The following ATP13A5 variants were observed in gnomAD, a reference collection of about 807,000 sequenced individuals.
ATP13A5 encodes the protein ATPase 13A5.
A neutral mutation model predicts 150.2 loss-of-function variants in ATP13A5; 149 were observed. The ratio of observed to expected loss-of-function variants is 0.99; its 90% CI spans 0.87 to 1.14. ATP13A5 has a LOEUF of 1.14. Ranked by LOEUF, ATP13A5 falls within the 50% of genes most tolerant of loss-of-function variation. The pLI, the probability that ATP13A5 is intolerant of heterozygous loss-of-function variation, is 0.00. For synonymous variants in ATP13A5, 497 were observed against 522.2 expected (o/e 0.95, Z 0.66); for missense variants, 1,383 against 1,449.3 (o/e 0.95, Z 0.74).
intron 26 of ATP13A5, among the ~76,000 whole-genome samples, chr3:193,287,913 T>G (rs544563135): frequency 1.3e-4 from 20 of 152,254 alleles, no homozygotes; most frequent in African/African-American, 4.6e-4. Context: ...GGTAAAAACA[T>G]CAACATTAAT....
At chr3:193,311,780 G>A (rs1182248186) in intron 20 of ATP13A5, 36 bp downstream of exon 20, 1 of 1,610,200 alleles carries the variant, frequency 6.2e-7, no homozygotes, top group South Asian at 1.1e-5. Flanking sequence ...GCTGATTTGA[G>A]GAGCAAAACA....
At chr3:193,347,063 T>C (rs9831498) in intron 7 of ATP13A5, among the ~76,000 whole-genome samples, 147,034 of 152,266 alleles carry the variant, frequency 0.97, 71,019 homozygotes, top group African/African-American at 0.99. Flanking sequence ...ACAGACAACA[T>C]TGAATTGGAT....
intron 1 of ATP13A5, among the ~76,000 whole-genome samples, chr3:193,371,565 T>C (rs1009093747): frequency 1.3e-5 from 2 of 152,174 alleles, no homozygotes; most frequent in African/African-American, 2.4e-5. Flanking sequence ...TTCACACTCA[T>C]ATGGTTGTTG....
At chr3:193,281,241 A>G (rs1717481283) in intron 27 of ATP13A5, 1 of 984,260 alleles carries the variant, frequency 1.0e-6, no homozygotes, top group South Asian at 4.7e-5. Context: ...GACGCCTGAA[A>G]GGTCTGTTCT....
chr3:193,322,667 A>C, intron 14 of ATP13A5, 93 bp from the exon 15 acceptor site: 1 of 895,622 alleles, frequency 1.1e-6, no homozygotes, highest in African/African-American at 1.7e-5. Flanking sequence ...ATCTTTTCAA[A>C]GCCATTTTTA....
intron 5 of ATP13A5, among the ~76,000 whole-genome samples, chr3:193,355,067 G>C (rs578179281): frequency 1.9e-4 from 29 of 151,594 alleles, no homozygotes; most frequent in Non-Finnish European, 3.8e-4. Context: ...CGAGTAGCTG[G>C]GATTACAGGC....
chr3:193,344,040 T>A lies in ATP13A5; in HGVS notation c.830A>T (p.Glu277Val), dbSNP rs894787619. ...GTCTCCGGGAACCAAGAGACGGGAT[T>A]CCAGCTCCTCCAAACCTACACCAAA... ...IVKDKGLEEL[E>V]SRLLVPGDIL... The change falls in exon 9 of 30, where the codon GAA becomes GTA. Residue 277 changes from glutamate to valine, a missense_variant. Coordinates refer to ENST00000342358, the MANE Select transcript of ATP13A5 (RefSeq NM_198505.4). 6.2e-7 allele frequency: 1 copy of A among 1,613,182 alleles called. No individual in the cohort carries two copies. The highest frequency in any genetic ancestry group is 8.5e-7 in the Non-Finnish European group (1 of 1,179,448).
At chr3:193,332,451 CTGAT>C (rs1036346534) in intron 11 of ATP13A5, among the ~76,000 whole-genome samples, 13 of 152,160 alleles carry the variant, frequency 8.5e-5, no homozygotes, top group African/African-American at 1.2e-4. Context: ...ACAGGGTTGA[CTGAT>C]TGATTGTTTT....
chr3:193,292,193 G>A (rs1038209193), intron 25 of ATP13A5, among the ~76,000 whole-genome samples: 1 of 152,070 alleles, frequency 6.6e-6, no homozygotes, highest in Non-Finnish European at 1.5e-5. Context: ...GGGCTCAGGA[G>A]AAGTGCAAGG....
intron 1 of ATP13A5, among the ~76,000 whole-genome samples, chr3:193,377,118 T>C (rs923210388): frequency 4.6e-5 from 7 of 152,208 alleles, no homozygotes; most frequent in African/African-American, 9.6e-5. Context: ...CTATAAACTT[T>C]ACAAATAAAG....
intron 11 of ATP13A5, among the ~76,000 whole-genome samples, chr3:193,332,475 A>C (rs907311476): frequency 2.6e-5 from 4 of 152,152 alleles, no homozygotes; most frequent in Non-Finnish European, 5.9e-5. Context: ...TGTTTTCCTC[A>C]CATGCTCTAG....
intron 1 of ATP13A5, among the ~76,000 whole-genome samples, chr3:193,377,546 T>C (rs532391479): frequency 1.3e-5 from 2 of 152,354 alleles, no homozygotes; most frequent in South Asian, 4.1e-4. Flanking sequence ...ACTAGCTACT[T>C]TTCTAGTGCT....
chr3:193,307,529 T>G (rs915308407), intron 21 of ATP13A5, 160 bp from the exon 22 acceptor site: 1 of 795,632 alleles, frequency 1.3e-6, no homozygotes, highest in East Asian at 2.7e-5. Flanking sequence ...GAGAGACATA[T>G]TCCCAGAGGG....
In ATP13A5 at chr3:193,279,415, G is replaced by T. The variant is rs144724475; in HGVS notation, c.3266C>A (p.Thr1089Lys). 25 of 1,613,878 alleles carry T rather than the reference G, an allele frequency of 1.5e-5. No individual in the cohort carries two copies. The highest frequency in any genetic ancestry group is 1.7e-4 in the Middle Eastern group (1 of 6,056). Residue 1089 changes from threonine (T) to lysine (K), a missense_variant, in exon 28 of 30, where the codon ACA (threonine) becomes AAA (lysine). Physicochemically the swap from Thr to Lys is moderately conservative, Grantham distance 78. Coordinates refer to ENST00000342358, the MANE Select transcript of ATP13A5 (RefSeq NM_198505.4). ...SFLLLAALGL[T>K]IFILFSDFQV... ...AAAGTCAGAAAACAGAATGAAAATTGTGAGGCCCAAGGCAGCTAGCAGCAG... is the reference window on the plus strand; with the variant it reads ...AAAGTCAGAAAACAGAATGAAAATTTTGAGGCCCAAGGCAGCTAGCAGCAG...
rs1719318835 is a variant in ATP13A5 at position 193,322,505 on chromosome 3, G to A, written c.1744C>T (p.Pro582Ser). The change falls in exon 15 of 30, where the codon CCA (proline) becomes TCA (serine). Residue 582 changes from proline (P) to serine (S), a missense_variant. Transcript: ENST00000342358. ...TSVSNIIKPG[P>S]KASKSPVEAI... is the part of the protein sequence containing the mutation. ...GGAAATCATACCTTACTGGCTTTTG[G>A]TCCTGGTTTTATGATGTTTGAAACT... 1.2e-6 allele frequency: 2 copies of A among 1,613,258 alleles called. No individual in the cohort carries two copies. Among genetic ancestry groups the A allele is most frequent in the Non-Finnish European group, 1.7e-6 (2 of 1,179,330 alleles).
At chr3:193,301,186 G>A (rs374104413) in intron 24 of ATP13A5, 25 bp downstream of exon 24, 13 of 1,548,280 alleles carry the variant, frequency 8.4e-6, no homozygotes, top group African/African-American at 1.4e-5. Flanking sequence ...AATTAGAACT[G>A]AGACAAAATG....
At chr3:193,310,903 G>A (rs994157862) in intron 20 of ATP13A5, among the ~76,000 whole-genome samples, 186 bp from the exon 21 acceptor site, 4 of 152,164 alleles carry the variant, frequency 2.6e-5, no homozygotes, top group Non-Finnish European at 5.9e-5. Flanking sequence ...TTCACTTAAA[G>A]TCCTCCATCA....
chr3:193,314,929 AG>A (rs1416015351), intron 18 of ATP13A5, 42 bp downstream of exon 18: 1 of 1,605,374 alleles, frequency 6.2e-7, no homozygotes, highest in South Asian at 1.1e-5. Flanking sequence ...TCTTATGCCT[AG>A]GATACAATCA....
chr3:193,286,494 C>T (rs549570733), intron 26 of ATP13A5, among the ~76,000 whole-genome samples: 48 of 152,146 alleles, frequency 3.2e-4, no homozygotes, highest in African/African-American at 1.1e-3. Context: ...TTAAACTTTT[C>T]GAAATAATTA....
Sources: allele counts gnomAD v4.1 joint callset (sites outside exome capture counted in the v4.1 genomes callset), GRCh38; gene constraint gnomAD v4.1.1; transcripts MANE v1.5; gene names NCBI Gene and HGNC (gene_info 2026-07-23, HGNC 2026-07-21).